LUZP2: variants seen among roughly 807,000 people sequenced by gnomAD.
The protein encoded by LUZP2 is leucine zipper protein 2.
Under a neutral mutation model 51.6 loss-of-function variants are expected in LUZP2, and 52 were observed. The ratio of observed to expected loss-of-function variants is 1.01; its 90% CI spans 0.81 to 1.27. LUZP2 has a LOEUF of 1.27. Among genes scored for constraint, LUZP2 ranks in the 50% most tolerant of loss-of-function variants. LUZP2 has a pLI of 0.00. For synonymous variants in LUZP2, 154 were observed against 137.3 expected (o/e 1.12, Z -0.85); for missense variants, 436 against 395.4 (o/e 1.10, Z -0.87).
intron 8 of LUZP2, among the ~76,000 whole-genome samples, chr11:24,982,017 T>A (rs562729888): frequency 2.0e-5 from 3 of 151,848 alleles, no homozygotes; most frequent in Non-Finnish European, 4.4e-5. Context: ...AAAAGCTCAA[T>A]ATCACTAATT....
intron 1 of LUZP2, among the ~76,000 whole-genome samples, chr11:24,648,025 T>A (rs748693690): frequency 5.9e-5 from 9 of 151,946 alleles, no homozygotes; most frequent in Non-Finnish European, 1.2e-4. Flanking sequence ...TTTCTTCACC[T>A]GCTGTGCTAG....
chr11:24,531,039 T>TTTA (rs367681666), intron 1 of LUZP2, among the ~76,000 whole-genome samples: 5,768 of 144,862 alleles, frequency 0.04, 124 homozygotes, highest in Non-Finnish European at 0.05. Flanking sequence ...TTTAGCCTCT[T>TTTA]TTATTATTAT....
chr11:24,813,448 C>A (rs186038423), intron 5 of LUZP2, among the ~76,000 whole-genome samples: 1 of 152,138 alleles, frequency 6.6e-6, no homozygotes, highest in Admixed American at 6.5e-5. Context: ...TGGCAGAAGG[C>A]AAAGGGGGAG....
intron 1 of LUZP2, among the ~76,000 whole-genome samples, chr11:24,666,131 G>A (rs974598806): frequency 2.0e-5 from 3 of 152,056 alleles, no homozygotes; most frequent in African/African-American, 7.2e-5. Flanking sequence ...ACAAACAGGA[G>A]GAGCTAGAAA....
intron 1 of LUZP2, among the ~76,000 whole-genome samples, chr11:24,721,104 C>T (rs1858253402): frequency 6.6e-6 from 1 of 152,176 alleles, no homozygotes; most frequent in Admixed American, 6.5e-5. Context: ...TTTAATGTCA[C>T]TGATAAGCCA....
In LUZP2 at chr11:24,898,367, A is replaced by C. The variant is rs554409282; in HGVS notation, c.397-7624A>C. Reference sequence around the variant, plus strand: ...AGGCCGGGCGCGGTGGCTCATGCCTATAATTCTAGCATTTTGGGAGGCCGA... The same window carrying C: ...AGGCCGGGCGCGGTGGCTCATGCCTCTAATTCTAGCATTTTGGGAGGCCGA... On this transcript the variant is annotated intron_variant, in intron 5 of 11. Transcript: ENST00000336930. 2.0e-5 allele frequency among the ~76,000 whole-genome samples: 3 copies of C among 152,164 alleles called. No individual in the cohort carries two copies. In the East Asian group the frequency reaches 5.8e-4, roughly 29 times the overall value.
intron 9 of LUZP2, among the ~76,000 whole-genome samples, chr11:25,046,790 A>C (rs1858327546): frequency 6.6e-6 from 1 of 152,168 alleles, no homozygotes; most frequent in Non-Finnish European, 1.5e-5. Context: ...AAAATCTTAT[A>C]ATTTTTTAGA....
chr11:25,045,914 A>G (rs967476422), intron 9 of LUZP2, among the ~76,000 whole-genome samples: 2 of 152,178 alleles, frequency 1.3e-5, no homozygotes, highest in Non-Finnish European at 2.9e-5. Context: ...GTTGACCATT[A>G]TAACTCATAG....
intron 7 of LUZP2, among the ~76,000 whole-genome samples, chr11:24,959,085 G>A (rs1327672656): frequency 1.3e-5 from 2 of 152,052 alleles, no homozygotes; most frequent in African/African-American, 4.8e-5. Flanking sequence ...CATTATTTCT[G>A]AGGGCTCTGT....
rs186737106 is a variant in LUZP2 at position 25,006,524 on chromosome 11, G to A, written c.765+23231G>A. Reference sequence around the variant, plus strand: ...TCACAACTCCAAAGATTTGGGGGTTGTTAGCCCTTTCCCAGAAAGCCTGAC... The same window carrying A: ...TCACAACTCCAAAGATTTGGGGGTTATTAGCCCTTTCCCAGAAAGCCTGAC... On this transcript the variant is annotated intron_variant, in intron 9 of 11. Transcript: ENST00000336930. 2.3e-3 allele frequency among the ~76,000 whole-genome samples: 343 copies of A among 152,268 alleles called. 1 individual carries two copies. Among genetic ancestry groups the A allele is most frequent in the African/African-American group, 7.9e-3 (330 of 41,556 alleles).
At chr11:24,547,024 T>C (rs1773104193) in intron 1 of LUZP2, among the ~76,000 whole-genome samples, 1 of 151,790 alleles carries the variant, frequency 6.6e-6, no homozygotes, top group South Asian at 2.1e-4. Context: ...GCTGATTCAA[T>C]TCCAGAACTC....
chr11:24,834,905 CT>C (rs1850814845), intron 5 of LUZP2, among the ~76,000 whole-genome samples: 1 of 152,138 alleles, frequency 6.6e-6, no homozygotes, highest in African/African-American at 2.4e-5. Flanking sequence ...TGAGAAGTGT[CT>C]TTTCAGTTTC....
intron 7 of LUZP2, among the ~76,000 whole-genome samples, chr11:24,934,094 A>C (rs1319849225): frequency 6.6e-6 from 1 of 152,180 alleles, no homozygotes; most frequent in East Asian, 1.9e-4. Flanking sequence ...TATTGTCACA[A>C]AGTCAGCTGA....
chr11:24,857,147 C>T (rs929665288), intron 5 of LUZP2, among the ~76,000 whole-genome samples: 4 of 151,794 alleles, frequency 2.6e-5, no homozygotes, highest in Non-Finnish European at 5.9e-5. Flanking sequence ...TAATTAGTTA[C>T]CACTGTAATT....
At chr11:24,954,283 C>T (rs941580205) in intron 7 of LUZP2, among the ~76,000 whole-genome samples, 5 of 152,070 alleles carry the variant, frequency 3.3e-5, no homozygotes, top group Admixed American at 6.6e-5. Flanking sequence ...CCCTATCTCG[C>T]AGGAGGTTGC....
chr11:24,972,086 A>C (rs1357536786), intron 7 of LUZP2, among the ~76,000 whole-genome samples: 3 of 125,762 alleles, frequency 2.4e-5, no homozygotes, highest in East Asian at 5.8e-4. Flanking sequence ...AGTTGCAGTG[A>C]GCCGGGATCA....
Position 24,906,061 on chromosome 11 carries a change from A to G in LUZP2, c.459+8A>G. On this transcript the variant is annotated splice_region_variant and intron_variant, in intron 6 of 11. Transcript: ENST00000336930. ...GGCATTCACGCAGAAGAGGTGAGTA[A>G]ATTTTTGCTTCTTCTAGCTTTAACC... The G allele has an allele frequency of 6.2e-7, 1 of 1,610,050 alleles. No homozygotes were observed. Among genetic ancestry groups the G allele is most frequent in the South Asian group, 1.1e-5 (1 of 90,664 alleles).
At chr11:24,857,326 CACACAT>C (rs141610471) in intron 5 of LUZP2, among the ~76,000 whole-genome samples, 6,884 of 119,842 alleles carry the variant, frequency 0.057, 229 homozygotes, top group Non-Finnish European at 0.081. Context: ...CACACACACA[CACACAT>C]ATATATATAA....
chr11:24,924,170 C>G (rs1486924751), intron 7 of LUZP2, among the ~76,000 whole-genome samples: 1 of 151,778 alleles, frequency 6.6e-6, no homozygotes, highest in Non-Finnish European at 1.5e-5. Context: ...CTCTGCCTCC[C>G]GCGTTCAAGT....
Sources: allele counts gnomAD v4.1 joint callset (sites outside exome capture counted in the v4.1 genomes callset), GRCh38; gene constraint gnomAD v4.1.1; transcripts MANE v1.5; gene names NCBI Gene and HGNC (gene_info 2026-07-23, HGNC 2026-07-21).